The following AKT3 variants were observed in gnomAD, a reference collection of about 807,000 sequenced individuals.
AKT3 encodes AKT serine/threonine kinase 3.
Under a neutral mutation model 65.3 loss-of-function variants are expected in AKT3, and 15 were observed. The ratio of observed to expected loss-of-function variants is 0.23; its 90% confidence interval spans 0.15 to 0.35. AKT3 has a LOEUF of 0.35. Among genes scored for constraint, AKT3 ranks in the 10% least tolerant of loss-of-function variants. The pLI, the probability that AKT3 is intolerant of heterozygous loss-of-function variation, is 1.00. For missense variants in AKT3, 243 were observed against 576.5 expected (o/e 0.42, Z 5.92); for synonymous variants, 206 against 183.8 (o/e 1.12, Z -0.98).
In AKT3 at chr1:243,684,078, C is replaced by A. The variant is rs544549474; in HGVS notation, c.172+11513G>T. On this transcript the variant is annotated intron_variant, in intron 3 of 13. Transcript: ENST00000673466. ...CTCACCCAAACTCTTGTCTCTGATCCAATGGTGTTAGATCTTATTTATTTT... is the reference window on the plus strand; with the variant it reads ...CTCACCCAAACTCTTGTCTCTGATCAAATGGTGTTAGATCTTATTTATTTT... Among the ~76,000 whole-genome samples, 39 of 152,134 alleles carry A rather than the reference C, an allele frequency of 2.6e-4. 1 individual carries two copies. The South Asian group carries it at 7.9e-3, about 31-fold the overall frequency.
chr1:243,696,610 C>T (rs965226838), intron 2 of AKT3, among the ~76,000 whole-genome samples: 19 of 151,966 alleles, frequency 1.3e-4, no homozygotes, highest in African/African-American at 4.6e-4. Flanking sequence ...CAAAGAAGTA[C>T]AAAAAAATTG....
At chr1:243,710,987 TA>T (rs2148074154) in intron 2 of AKT3, among the ~76,000 whole-genome samples, 1 of 152,344 alleles carries the variant, frequency 6.6e-6, no homozygotes, top group South Asian at 2.1e-4. Flanking sequence ...AAACTGAGGT[TA>T]CTTTTTTAAG....
Position 243,502,744 on chromosome 1 carries a change from A to G in AKT3, c.*2505T>C, listed in dbSNP as rs775699655. 1 of 233,180 alleles carries G rather than the reference A, an allele frequency of 4.3e-6. No individual in the cohort carries two copies. Among genetic ancestry groups the G allele is most frequent in the Non-Finnish European group, 8.5e-6 (1 of 118,042 alleles). The allele number at this position is 233,180 out of a possible 1,614,324, so 14.4% of individuals were successfully genotyped here. A position where few individuals can be genotyped will look rare whatever the true frequency, so the allele number is the denominator to read the frequency against. On this transcript the variant is annotated 3_prime_UTR_variant, in exon 14 of 14. Coordinates refer to ENST00000673466, the MANE Select transcript of AKT3 (RefSeq NM_005465.7). Reference sequence around the variant, plus strand: ...CACCAATGGAGTCTCAGAGGGTGGAATAGAAGTGACTGAGCCCCAGGCATG... The same window carrying G: ...CACCAATGGAGTCTCAGAGGGTGGAGTAGAAGTGACTGAGCCCCAGGCATG...
intron 6 of AKT3, among the ~76,000 whole-genome samples, chr1:243,622,667 A>G (rs1678848242): frequency 6.6e-6 from 1 of 152,252 alleles, no homozygotes; most frequent in South Asian, 2.1e-4. Context: ...ACTACATGAA[A>G]TAACTCTAGA....
intron 3 of AKT3, among the ~76,000 whole-genome samples, chr1:243,689,885 C>G (rs1004352549): frequency 6.6e-6 from 1 of 151,784 alleles, no homozygotes; most frequent in Non-Finnish European, 1.5e-5. Context: ...ATTGAGGCTA[C>G]AGAGAGCTGT....
intron 4 of AKT3, among the ~76,000 whole-genome samples, chr1:243,660,767 A>G (rs113771327): frequency 0.24 from 36,987 of 152,130 alleles, 4,856 homozygotes; most frequent in African/African-American, 0.33. Flanking sequence ...GAGGAAGTCA[A>G]ATTGTCCCTG....
chr1:243,649,313 ATGTG>A (rs55765060), intron 4 of AKT3, among the ~76,000 whole-genome samples: 6,021 of 145,892 alleles, frequency 0.041, 306 homozygotes, highest in African/African-American at 0.12. Flanking sequence ...TTATGTGTAT[ATGTG>A]TGTGTGTGTG....
chr1:243,695,557 A>C, intron 3 of AKT3, 34 bp downstream of exon 3: 1 of 1,539,078 alleles, frequency 6.5e-7, no homozygotes. Context: ...AAATAAATAA[A>C]TACAAGATGA....
chr1:243,495,249 G>T (rs961403158), downstream of AKT3, among the ~76,000 whole-genome samples: 4 of 152,216 alleles, frequency 2.6e-5, no homozygotes, highest in Non-Finnish European at 5.9e-5. Flanking sequence ...GTGCGGGGCC[G>T]CCTCCCTCTC....
Position 243,569,356 on chromosome 1 carries a change from C to T in AKT3, c.819+3570G>A, listed in dbSNP as rs150420181. Among the ~76,000 whole-genome samples, 68 of 152,256 alleles carry T rather than the reference C, an allele frequency of 4.5e-4. 1 individual carries two copies. The highest frequency in any genetic ancestry group is 1.5e-3 in the African/African-American group (63 of 41,558). Reference sequence around the variant, plus strand: ...TACGAATAAGGTACATAGTCCAATACCAGTACAATTTTATTTTAGAAGTGG... The same window carrying T: ...TACGAATAAGGTACATAGTCCAATATCAGTACAATTTTATTTTAGAAGTGG... On this transcript the variant is annotated intron_variant, in intron 9 of 13. Coordinates refer to ENST00000673466, the MANE Select transcript of AKT3 (RefSeq NM_005465.7).
At position 243,564,604 on chromosome 1, in the gene AKT3, T is replaced by G. The variant is rs548771721; in HGVS notation, c.820-756A>C. 6.6e-5 allele frequency among the ~76,000 whole-genome samples: 10 copies of G among 152,132 alleles called. No individual in the cohort carries two copies. In the South Asian group the frequency reaches 2.1e-3, roughly 32 times the overall value. Reference sequence around the variant, plus strand: ...AGGAATTTGTGCAAAGCCAACACAATTAGAAATAACAATGTAACCAGCCAG... The same window carrying G: ...AGGAATTTGTGCAAAGCCAACACAAGTAGAAATAACAATGTAACCAGCCAG... On this transcript the variant is annotated intron_variant, in intron 9 of 13. Transcript: ENST00000673466.
At chr1:243,591,221 G>A (rs1306116791) in intron 8 of AKT3, among the ~76,000 whole-genome samples, 1 of 152,160 alleles carries the variant, frequency 6.6e-6, no homozygotes, top group African/African-American at 2.4e-5. Flanking sequence ...AGGACCAGAT[G>A]AAACAATCAC....
At chr1:243,678,360 T>C (rs540458558) in intron 3 of AKT3, among the ~76,000 whole-genome samples, 3 of 152,170 alleles carry the variant, frequency 2.0e-5, no homozygotes, top group African/African-American at 4.8e-5. Context: ...TCTGGTTTGA[T>C]AGATAGCAAG....
At chr1:243,507,039 T>A (rs1477750350) in intron 13 of AKT3, among the ~76,000 whole-genome samples, 2 of 152,234 alleles carry the variant, frequency 1.3e-5, no homozygotes, top group African/African-American at 4.8e-5. Context: ...CCAATCACAT[T>A]TCAAATAAAC....
At chr1:243,721,622 T>G (rs568972030) in intron 2 of AKT3, among the ~76,000 whole-genome samples, 2 of 152,324 alleles carry the variant, frequency 1.3e-5, no homozygotes, top group South Asian at 4.1e-4. Flanking sequence ...ACTACTATAC[T>G]ACCAAATATA....
chr1:243,537,623 C>T (rs1672020515), intron 12 of AKT3, among the ~76,000 whole-genome samples: 3 of 152,188 alleles, frequency 2.0e-5, no homozygotes, highest in Admixed American at 2.0e-4. Flanking sequence ...GGCTCTTCTC[C>T]ATAAGAGTCT....
chr1:243,831,971 G>A (rs897298828), intron 2 of AKT3, among the ~76,000 whole-genome samples: 1 of 151,664 alleles, frequency 6.6e-6, no homozygotes, highest in African/African-American at 2.4e-5. Context: ...TTTGAAATCT[G>A]TCAGATGAAT....
At chr1:243,835,596 C>A (rs1014407428) in intron 2 of AKT3, among the ~76,000 whole-genome samples, 1 of 152,078 alleles carries the variant, frequency 6.6e-6, no homozygotes, top group Non-Finnish European at 1.5e-5. Flanking sequence ...TAAATCACTT[C>A]GGTCCCCACC....
chr1:243,803,644 GTACACACACACACA>G (rs1221192393), intron 2 of AKT3, among the ~76,000 whole-genome samples: 4 of 87,838 alleles, frequency 4.6e-5, no homozygotes, highest in African/African-American at 1.8e-4. Flanking sequence ...AGACGTACAT[GTACACACACACACA>G]CACACACACA....
Sources: gnomAD v4.1 joint callset for allele counts (sites outside exome capture counted in the v4.1 genomes callset) on GRCh38, gnomAD v4.1.1 for gene constraint, MANE v1.5 for transcripts, NCBI Gene and HGNC (gene_info 2026-07-23, HGNC 2026-07-21) for gene names.